CHLSN: variants seen among roughly 807,000 people sequenced by gnomAD.
CHLSN encodes the protein cholesin, also known as protein cholesin.
chr7:998,457 C>CTTTTTTTTTTTTT, the CHLSN span, among the ~76,000 whole-genome samples: 4 of 95,024 alleles, frequency 4.2e-5, no homozygotes, highest in Non-Finnish European at 8.2e-5. Context: ...GTCTTAGATT[C>CTTTTTTTTTTTTT]TTTTTTTTTT....
chr7:1,082,170 T>C, the CHLSN span: 1 of 152,250 alleles, frequency 6.6e-6, no homozygotes, highest in Non-Finnish European at 1.5e-5. Flanking sequence ...TAAACAAACA[T>C]TCCAAACCAC....
the CHLSN span, chr7:989,338 G>C: frequency 6.3e-6 from 1 of 159,828 alleles, no homozygotes; most frequent in African/African-American, 2.4e-5. Context: ...GCCAGACTCT[G>C]AGCCAAGCCA....
At chr7:1,009,393 C>T in the CHLSN span, among the ~76,000 whole-genome samples, 4 of 152,178 alleles carry the variant, frequency 2.6e-5, no homozygotes, top group South Asian at 2.1e-4. Context: ...GGCCACAGCC[C>T]GCAAGGCTGT....
the CHLSN span, among the ~76,000 whole-genome samples, chr7:1,031,774 ACCT>A: frequency 4.0e-5 from 1 of 25,020 alleles, no homozygotes; most frequent in African/African-American, 2.6e-4. Context: ...GGCGGCAGAG[ACCT>A]GCAGGGAGGG....
At chr7:1,099,428 CG>C in the CHLSN span, among the ~76,000 whole-genome samples, 1 of 152,234 alleles carries the variant, frequency 6.6e-6, no homozygotes, top group Admixed American at 6.5e-5. Context: ...TTCCTAAGAG[CG>C]GAAGGGTTTC....
At chr7:1,123,088 G>A in the CHLSN span, among the ~76,000 whole-genome samples, 1 of 152,200 alleles carries the variant, frequency 6.6e-6, no homozygotes, top group Non-Finnish European at 1.5e-5. The surrounding 1 kb of genome is among the most constrained non-coding windows in gnomAD (Gnocchi z 4.4). Context: ...AGACCCTGAG[G>A]CCCTGGTGCC....
At chr7:1,116,183 G>GGAT in the CHLSN span, among the ~76,000 whole-genome samples, 42 of 125,326 alleles carry the variant, frequency 3.4e-4, no homozygotes, top group African/African-American at 4.2e-4. Context: ...CGCCCACGCA[G>GGAT]GATGACATCA....
At chr7:1,116,505 G>A in the CHLSN span, among the ~76,000 whole-genome samples, 15 of 81,818 alleles carry the variant, frequency 1.8e-4, 2 homozygotes, top group Non-Finnish European at 3.3e-4. Flanking sequence ...CGACGCCCAC[G>A]CAGGATGATG....
At chr7:1,098,634 CAGTG>C in the CHLSN span, among the ~76,000 whole-genome samples, 2 of 151,476 alleles carry the variant, frequency 1.3e-5, no homozygotes, top group Non-Finnish European at 2.9e-5. Context: ...CTGCCACGCT[CAGTG>C]AGATAAAGCA....
the CHLSN span, among the ~76,000 whole-genome samples, chr7:993,860 G>C: frequency 6.6e-6 from 1 of 152,214 alleles, no homozygotes; most frequent in Non-Finnish European, 1.5e-5. Context: ...GTCACTCTTG[G>C]TGGAGTGAGC....
the CHLSN span, among the ~76,000 whole-genome samples, chr7:1,135,910 A>T: frequency 2.2e-5 from 2 of 89,834 alleles, no homozygotes; most frequent in African/African-American, 5.7e-5. Flanking sequence ...TATATATAAA[A>T]ATATATATAA....
chr7:1,048,770 A>G, the CHLSN span, among the ~76,000 whole-genome samples: 1 of 152,156 alleles, frequency 6.6e-6, no homozygotes, highest in African/African-American at 2.4e-5. Flanking sequence ...TGCTATGGCC[A>G]TGGTCTCCAC....
chr7:1,119,480 C>T, the CHLSN span, among the ~76,000 whole-genome samples: 1 of 152,136 alleles, frequency 6.6e-6, no homozygotes, highest in Non-Finnish European at 1.5e-5. Flanking sequence ...GAAAGAGAAG[C>T]CACAGAATGG....
chr7:1,021,022 A>ACCTCCAGATTGGGGACCTCCCAGCAGGG, the CHLSN span, among the ~76,000 whole-genome samples: 10 of 143,478 alleles, frequency 7.0e-5, no homozygotes, highest in Non-Finnish European at 1.0e-4. Context: ...TCGGGCAGGT[A>ACCTCCAGATTGGGGACCTCCCAGCAGGG]CCTCCAGGTT....
chr7:987,475 C>T, the CHLSN span: 1 of 1,559,966 alleles, frequency 6.4e-7, no homozygotes, highest in Non-Finnish European at 8.6e-7. Flanking sequence ...GCTCCTGCCG[C>T]ACGTGCCCCG....
chr7:992,883 T>A, the CHLSN span, among the ~76,000 whole-genome samples: 3 of 152,204 alleles, frequency 2.0e-5, no homozygotes, highest in Non-Finnish European at 2.9e-5. Flanking sequence ...GGCAGGCCCA[T>A]CGCTGGCCAA....
chr7:998,457 C>CTTTTTTTTTT, the CHLSN span, among the ~76,000 whole-genome samples: 9 of 95,014 alleles, frequency 9.5e-5, no homozygotes, highest in Non-Finnish European at 1.4e-4. Flanking sequence ...GTCTTAGATT[C>CTTTTTTTTTT]TTTTTTTTTT....
At chr7:1,011,637 C>T in the CHLSN span, among the ~76,000 whole-genome samples, 1 of 150,802 alleles carries the variant, frequency 6.6e-6, no homozygotes, top group Non-Finnish European at 1.5e-5. Context: ...CACACCCAGA[C>T]ACCCACAAAC....
chr7:1,094,293 C>A, the CHLSN span, among the ~76,000 whole-genome samples: 1 of 152,222 alleles, frequency 6.6e-6, no homozygotes, highest in Non-Finnish European at 1.5e-5. Context: ...ACAAGGTGCA[C>A]CTGAACCAGT....
Sources: gnomAD v4.1 joint callset for allele counts (sites outside exome capture counted in the v4.1 genomes callset) on GRCh38, gnomAD v4.1.1 for gene constraint, Gnocchi (gnomAD v3.1) non-coding constraint, MANE v1.5 for transcripts, NCBI Gene and HGNC (gene_info 2026-07-23, HGNC 2026-07-21) for gene names.